The following ATP6V0A4 variants were observed in gnomAD, a reference collection of about 807,000 sequenced individuals.
The protein encoded by ATP6V0A4 is V-type proton ATPase 116 kDa subunit a 4.
In ATP6V0A4, 86 loss-of-function variants were observed where a neutral mutation model predicts 107.3. The observed-to-expected ratio is 0.80, with a 90% CI of 0.67 to 0.96. The LOEUF (loss-of-function observed/expected upper bound fraction) is 0.96. Ranked by LOEUF, ATP6V0A4 falls within the 40% of genes least tolerant of loss-of-function variation. The probability of loss-of-function intolerance (pLI) is 0.00; values close to 1 mark genes in which losing one functional copy is unlikely to be tolerated. For missense variants in ATP6V0A4, 908 were observed against 1,045.6 expected (o/e 0.87, Z 1.81); for synonymous variants, 353 against 381.4 (o/e 0.93, Z 0.87).
intron 7 of ATP6V0A4, 105 bp downstream of exon 7, chr7:138,762,235 G>C: frequency 7.0e-7 from 1 of 1,419,988 alleles, no homozygotes; most frequent in Non-Finnish European, 9.9e-7. Flanking sequence ...GCATCCATGG[G>C]AAACAGTCCC....
intron 2 of ATP6V0A4, among the ~76,000 whole-genome samples, chr7:138,775,145 C>CT (rs60292725): frequency 0.032 from 4,882 of 151,580 alleles, 249 homozygotes; most frequent in African/African-American, 0.11. Flanking sequence ...GAGGGGGGTG[C>CT]TTTTTTTTAA....
intron 18 of ATP6V0A4, among the ~76,000 whole-genome samples, chr7:138,728,368 A>C (rs1479174096): frequency 6.6e-6 from 1 of 151,982 alleles, no homozygotes; most frequent in Non-Finnish European, 1.5e-5. Flanking sequence ...TTGGGATTAC[A>C]GGTACCCATC....
intron 17 of ATP6V0A4, 169 bp from the exon 18 acceptor site, chr7:138,729,031 T>C (rs1339797484): frequency 3.5e-6 from 3 of 848,466 alleles, no homozygotes; most frequent in East Asian, 2.4e-4. Flanking sequence ...CCCTTGCAGA[T>C]AGAGAAATAT....
At chr7:138,778,425 ATT>A (rs945198438) in intron 2 of ATP6V0A4, among the ~76,000 whole-genome samples, 22 of 34,528 alleles carry the variant, frequency 6.4e-4, no homozygotes, top group Non-Finnish European at 2.6e-3. Flanking sequence ...AAGACATCTC[ATT>A]TTATATATAT....
intron 1 of ATP6V0A4, among the ~76,000 whole-genome samples, chr7:138,788,840 C>G (rs1472239228): frequency 1.3e-5 from 2 of 152,180 alleles, no homozygotes; most frequent in Admixed American, 1.3e-4. Context: ...GTAAGATGTG[C>G]CTTTGCTTCT....
intron 2 of ATP6V0A4, among the ~76,000 whole-genome samples, chr7:138,776,950 C>T (rs1807687066): frequency 6.6e-6 from 1 of 151,872 alleles, no homozygotes; most frequent in Non-Finnish European, 1.5e-5. Context: ...GAGTTCGAGA[C>T]CAGCCTGGCC....
intron 19 of ATP6V0A4, among the ~76,000 whole-genome samples, chr7:138,716,864 A>G (rs1452330503): frequency 6.6e-6 from 1 of 152,068 alleles, no homozygotes; most frequent in Non-Finnish European, 1.5e-5. Context: ...GTGCCTGGCC[A>G]TGGGGGACAA....
intron 14 of ATP6V0A4, among the ~76,000 whole-genome samples, chr7:138,741,085 AG>A (rs1276366493): frequency 6.6e-6 from 1 of 152,148 alleles, no homozygotes; most frequent in Non-Finnish European, 1.5e-5. Context: ...CGGAGGTTGC[AG>A]TGAGCCAAGA....
chr7:138,769,030 C>A, intron 4 of ATP6V0A4, 143 bp downstream of exon 4: 3 of 1,567,604 alleles, frequency 1.9e-6, no homozygotes, highest in Non-Finnish European at 2.6e-6. Flanking sequence ...CAACCTCCCC[C>A]ATTCCCTCCA....
At chr7:138,762,528 C>A in intron 6 of ATP6V0A4, 94 bp from the exon 7 acceptor site, 10 of 1,559,072 alleles carry the variant, frequency 6.4e-6, no homozygotes, top group Non-Finnish European at 7.8e-6. Flanking sequence ...TTTAGTGAAG[C>A]TTTAATTTTC....
At chr7:138,744,174 A>G (rs1805783530) in intron 14 of ATP6V0A4, among the ~76,000 whole-genome samples, 1 of 151,230 alleles carries the variant, frequency 6.6e-6, no homozygotes, top group African/African-American at 2.4e-5. Flanking sequence ...CCTGCCCCCA[A>G]CTCTGTCAGC....
At chr7:138,713,039 C>A (rs1803827218) in intron 20 of ATP6V0A4, among the ~76,000 whole-genome samples, 1 of 151,884 alleles carries the variant, frequency 6.6e-6, no homozygotes, top group Admixed American at 6.6e-5. Flanking sequence ...GCCTGTAATT[C>A]CAGCATTTTG....
intron 10 of ATP6V0A4, 86 bp downstream of exon 10, chr7:138,755,603 C>A: frequency 6.4e-7 from 1 of 1,570,928 alleles, no homozygotes; most frequent in African/African-American, 1.3e-5. Context: ...CCAGCAAGGG[C>A]CCTGGGGGGC....
intron 19 of ATP6V0A4, among the ~76,000 whole-genome samples, chr7:138,718,397 C>T (rs1362559370): frequency 3.1e-5 from 3 of 96,738 alleles, no homozygotes; most frequent in Admixed American, 1.4e-4. Context: ...TGGAGGGAGA[C>T]GTCCAGGAAG....
Position 138,798,036 on chromosome 7 carries a change from G to A in ATP6V0A4, c.-123C>T. On this transcript the variant is annotated splice_region_variant and 5_prime_UTR_variant, in exon 1 of 22. Transcript: ENST00000310018. ...CCTGCAGGTGGGAGTCGACTCACCT[G>A]CAGCAGGCACTCGGCACAACTCCGC... is the stretch of plus-strand genomic sequence containing the variant. 1 of 1,554,508 alleles carries A rather than the reference G, an allele frequency of 6.4e-7. No individual in the cohort carries two copies. Among genetic ancestry groups the A allele is most frequent in the Non-Finnish European group, 8.7e-7 (1 of 1,148,872 alleles).
rs35301422 is a variant in ATP6V0A4, at chr7:138,786,165, G to C, written c.-25C>G. The C allele has an allele frequency of 0.04, 6,158 of 152,558 alleles. 157 individuals carry two copies. Among genetic ancestry groups the C allele is most frequent in the African/African-American group, 0.074 (3,057 of 41,562 alleles). The allele number at this position is 152,558 out of a possible 1,614,324, so 9.5% of individuals were successfully genotyped here. ...TTCTCCACCTCAGCGTACCTTGGCT[G>C]TGTCTCTCTCTCTTCTTCTCTTCAG... On this transcript the variant is annotated 5_prime_UTR_variant, in exon 2 of 22. Coordinates refer to ENST00000310018, the MANE Select transcript of ATP6V0A4 (RefSeq NM_020632.3).
At chr7:138,771,578 A>G (rs1807393575) in intron 2 of ATP6V0A4, among the ~76,000 whole-genome samples, 1 of 151,774 alleles carries the variant, frequency 6.6e-6, no homozygotes, top group Non-Finnish European at 1.5e-5. Flanking sequence ...TCCTGATTCT[A>G]AAAACAAGAT....
At chr7:138,753,165 C>G (rs887024267) in intron 10 of ATP6V0A4, among the ~76,000 whole-genome samples, 4 of 152,092 alleles carry the variant, frequency 2.6e-5, no homozygotes, top group Non-Finnish European at 5.9e-5. Context: ...CAGATGGAAT[C>G]AGGTTAAGAA....
chr7:138,741,475 C>T (rs572552648), intron 14 of ATP6V0A4, among the ~76,000 whole-genome samples: 1 of 152,312 alleles, frequency 6.6e-6, no homozygotes, highest in East Asian at 1.9e-4. Flanking sequence ...GCCTGGCACC[C>T]ATAGCTAAGC....
Sources: gnomAD v4.1 joint callset for allele counts (sites outside exome capture counted in the v4.1 genomes callset) on GRCh38, gnomAD v4.1.1 for gene constraint, MANE v1.5 for transcripts, NCBI Gene and HGNC (gene_info 2026-07-23, HGNC 2026-07-21) for gene names.